The following IGSF21 variants were observed in gnomAD, a reference collection of about 807,000 sequenced individuals.
IGSF21 encodes the protein immunoglobin superfamily member 21, also known as immunoglobulin superfamily member 21.
Under a neutral mutation model 46.8 loss-of-function variants are expected in IGSF21, and 28 were observed. The observed-to-expected ratio is 0.60, with a 90% CI of 0.44 to 0.82. The LOEUF (loss-of-function observed/expected upper bound fraction) is 0.82. Among genes scored for constraint, IGSF21 ranks in the 40% least tolerant of loss-of-function variants. The pLI is 0.00. For missense variants in IGSF21, 624 were observed against 665.5 expected (o/e 0.94, Z 0.69); for synonymous variants, 284 against 273.6 (o/e 1.04, Z -0.38).
At chr1:18,221,927 G>A (rs1570352979) in intron 1 of IGSF21, among the ~76,000 whole-genome samples, 1 of 152,158 alleles carries the variant, frequency 6.6e-6, no homozygotes, top group East Asian at 1.9e-4. Flanking sequence ...CATCTGATAC[G>A]GGGTTAGTTG....
chr1:18,150,395 G>T (rs1401586248), intron 1 of IGSF21, among the ~76,000 whole-genome samples: 1 of 141,138 alleles, frequency 7.1e-6, no homozygotes, highest in Non-Finnish European at 1.5e-5. Context: ...AAGGAGGATG[G>T]TGCTTGGCAT....
intron 1 of IGSF21, among the ~76,000 whole-genome samples, chr1:18,216,685 G>A (rs1448527230): frequency 1.3e-5 from 2 of 152,072 alleles, no homozygotes; most frequent in Admixed American, 6.5e-5. Context: ...TCTTTATGGA[G>A]TGGCTTTCTT....
intron 2 of IGSF21, among the ~76,000 whole-genome samples, chr1:18,245,604 G>C (rs1569619227): frequency 6.6e-6 from 1 of 152,028 alleles, no homozygotes; most frequent in South Asian, 2.1e-4. Context: ...GAGTTGTCTA[G>C]GCATCCAGTC....
intron 1 of IGSF21, among the ~76,000 whole-genome samples, chr1:18,155,900 G>C (rs1402025274): frequency 6.6e-6 from 1 of 152,238 alleles, no homozygotes; most frequent in Non-Finnish European, 1.5e-5. Flanking sequence ...TCGGTCAGGA[G>C]GCTGAGAGCC....
chr1:18,256,152 C>A (rs1006320272), intron 2 of IGSF21, among the ~76,000 whole-genome samples: 1 of 152,112 alleles, frequency 6.6e-6, no homozygotes, highest in Admixed American at 6.5e-5. Context: ...ATTAGCCATG[C>A]CCTCCCTGAC....
At chr1:18,181,462 T>C (rs753791485) in intron 1 of IGSF21, among the ~76,000 whole-genome samples, 1 of 152,108 alleles carries the variant, frequency 6.6e-6, no homozygotes, top group Non-Finnish European at 1.5e-5. Flanking sequence ...GACCTTTAGA[T>C]TGTGCTGGGG....
At chr1:18,158,961 A>G (rs964245897) in intron 1 of IGSF21, among the ~76,000 whole-genome samples, 6 of 152,098 alleles carry the variant, frequency 3.9e-5, no homozygotes, top group Admixed American at 1.3e-4. Flanking sequence ...GCTGAGGGCG[A>G]TTCCCTCCCA....
intron 2 of IGSF21, among the ~76,000 whole-genome samples, chr1:18,252,021 G>T (rs1026096427): frequency 6.7e-6 from 1 of 148,228 alleles, no homozygotes; most frequent in Non-Finnish European, 1.5e-5. Flanking sequence ...AGGTCAATAG[G>T]CTGGAACACT....
intron 2 of IGSF21, among the ~76,000 whole-genome samples, chr1:18,260,710 G>A (rs950037998): frequency 1.3e-5 from 2 of 152,184 alleles, no homozygotes; most frequent in African/African-American, 4.8e-5. Context: ...TGCACTGGTG[G>A]GCATGTCTTA....
intron 6 of IGSF21, chr1:18,375,851 G>A (rs1218302053): frequency 5.4e-6 from 1 of 186,234 alleles, no homozygotes; most frequent in Non-Finnish European, 1.2e-5. Flanking sequence ...CTCCCAAGGG[G>A]GTAGCGTGGG....
At chr1:18,265,558 G>A (rs1330795182) in intron 2 of IGSF21, among the ~76,000 whole-genome samples, 1 of 152,142 alleles carries the variant, frequency 6.6e-6, no homozygotes, top group Non-Finnish European at 1.5e-5. Context: ...TCCTTGGGGA[G>A]CCCCTTTCTT....
At chr1:18,271,978 AT>A (rs2085047282) in intron 2 of IGSF21, among the ~76,000 whole-genome samples, 1 of 152,114 alleles carries the variant, frequency 6.6e-6, no homozygotes, top group African/African-American at 2.4e-5. Context: ...GTATTAGTCC[AT>A]TTTCATGCTG....
chr1:18,182,410 C>G (rs1204838674), intron 1 of IGSF21, among the ~76,000 whole-genome samples: 2 of 152,090 alleles, frequency 1.3e-5, no homozygotes, highest in Non-Finnish European at 2.9e-5. Context: ...AACTCCTAAC[C>G]TCAGGTGATC....
At chr1:18,259,095 A>G (rs1379691612) in intron 2 of IGSF21, among the ~76,000 whole-genome samples, 1 of 152,178 alleles carries the variant, frequency 6.6e-6, no homozygotes, top group African/African-American at 2.4e-5. Context: ...TGAATAAATA[A>G]AACAGTAAAA....
intron 2 of IGSF21, among the ~76,000 whole-genome samples, chr1:18,259,379 T>G (rs2084919920): frequency 1.3e-5 from 2 of 152,282 alleles, no homozygotes; most frequent in Admixed American, 1.3e-4. Context: ...GGACAGTAGG[T>G]GCTCAGTACA....
At chr1:18,313,119 C>T (rs1024008597) in intron 3 of IGSF21, among the ~76,000 whole-genome samples, 6 of 152,154 alleles carry the variant, frequency 3.9e-5, no homozygotes, top group African/African-American at 1.2e-4. Flanking sequence ...CGCCGGGTAC[C>T]GTGCATGACC....
Position 18,376,293 on chromosome 1 carries a change from C to A in IGSF21, c.1016-17C>A, listed in dbSNP as rs568916025. The A allele has an allele frequency of 4.1e-5, 65 of 1,574,998 alleles. 1 individual carries two copies. The South Asian group carries it at 6.5e-4, about 16-fold the overall frequency. On this transcript the variant is annotated splice_polypyrimidine_tract_variant and intron_variant, in intron 6 of 9. Coordinates refer to ENST00000251296, the MANE Select transcript of IGSF21 (RefSeq NM_032880.5). ...CCTTTCCTTACTCTCTCTGACCTGG[C>A]CTTTCTCTCCCTACAGTTGCCCCCA...
chr1:18,311,882 A>G lies in IGSF21; in HGVS notation c.305+19895A>G, dbSNP rs543467069. 7.9e-4 allele frequency among the ~76,000 whole-genome samples: 121 copies of G among 152,282 alleles called. No homozygotes were observed. The Middle Eastern group carries it at 0.034, about 43-fold the overall frequency. ...TCCCACCGGGCCCCTCCCACAACACATGGGAATTATGGGAACTACAATTCA... is the reference window on the plus strand; with the variant it reads ...TCCCACCGGGCCCCTCCCACAACACGTGGGAATTATGGGAACTACAATTCA... On this transcript the variant is annotated intron_variant, in intron 3 of 9. Coordinates refer to ENST00000251296, the MANE Select transcript of IGSF21 (RefSeq NM_032880.5).
At chr1:18,222,084 C>T (rs747161608) in intron 1 of IGSF21, among the ~76,000 whole-genome samples, 49 of 152,144 alleles carry the variant, frequency 3.2e-4, no homozygotes, top group Non-Finnish European at 6.0e-4. Flanking sequence ...TGCTCTTCAC[C>T]GCTGTGCTCC....
Sources: gnomAD v4.1 joint callset for allele counts (sites outside exome capture counted in the v4.1 genomes callset) on GRCh38, gnomAD v4.1.1 for gene constraint, MANE v1.5 for transcripts, NCBI Gene and HGNC (gene_info 2026-07-23, HGNC 2026-07-21) for gene names.